Variants in PPP2R2C observed in about 807,000 individuals in gnomAD.
PPP2R2C encodes the protein protein phosphatase 2 regulatory subunit Bgamma.
A neutral mutation model predicts 45.3 loss-of-function variants in PPP2R2C; 10 were observed. That is an observed-to-expected ratio of 0.22 (90% CI 0.14 to 0.37). The LOEUF (loss-of-function observed/expected upper bound fraction) is 0.37, where lower values mean the gene tolerates loss of function less well. PPP2R2C is among the 10% of genes least tolerant of loss of function. PPP2R2C has a pLI of 1.00. For synonymous variants in PPP2R2C, 257 were observed against 245.4 expected (o/e 1.05, Z -0.44); for missense variants, 308 against 619.7 (o/e 0.50, Z 5.34).
At chr4:6,414,797 C>A (rs1718459655) in intron 1 of PPP2R2C, among the ~76,000 whole-genome samples, 1 of 152,124 alleles carries the variant, frequency 6.6e-6, no homozygotes, top group South Asian at 2.1e-4. Context: ...GGCTGTGCAA[C>A]CTCAGGCCAA....
At chr4:6,350,472 C>A (rs887874829) in intron 5 of PPP2R2C, 1 of 985,344 alleles carries the variant, frequency 1.0e-6, no homozygotes, top group Non-Finnish European at 1.2e-6. Context: ...CACACAAAAG[C>A]CACAGGAGGC....
chr4:6,369,321 C>A (rs1560487444), intron 5 of PPP2R2C, among the ~76,000 whole-genome samples: 1 of 152,224 alleles, frequency 6.6e-6, no homozygotes, highest in Non-Finnish European at 1.5e-5. Context: ...TTCCAACAGA[C>A]AGGGCTGAGC....
intron 1 of PPP2R2C, among the ~76,000 whole-genome samples, chr4:6,549,256 T>C (rs1725099785): frequency 6.6e-6 from 1 of 151,886 alleles, no homozygotes; most frequent in South Asian, 2.1e-4. Flanking sequence ...GACCACGTCG[T>C]TTTTCCACCT....
At chr4:6,411,563 T>C (rs2109369617) in intron 1 of PPP2R2C, among the ~76,000 whole-genome samples, 1 of 151,620 alleles carries the variant, frequency 6.6e-6, no homozygotes, top group East Asian at 1.9e-4. Flanking sequence ...TCTTTTTTTT[T>C]TTTTTTTGAG....
chr4:6,334,409 G>A (rs1732671570), intron 6 of PPP2R2C, among the ~76,000 whole-genome samples: 2 of 152,102 alleles, frequency 1.3e-5, no homozygotes, highest in African/African-American at 4.8e-5. Flanking sequence ...ACGGTTTGCT[G>A]CCCACCTGGA....
At chr4:6,415,371 G>T (rs1026096519) in intron 1 of PPP2R2C, among the ~76,000 whole-genome samples, 1 of 152,184 alleles carries the variant, frequency 6.6e-6, no homozygotes, top group South Asian at 2.1e-4. Flanking sequence ...TTGCTTCACT[G>T]TTTCTGCTTT....
In PPP2R2C at chr4:6,378,123, C is replaced by A. The variant is rs1407998994; in HGVS notation, c.334+284G>T. Among the ~76,000 whole-genome samples, 2 of 152,134 alleles carry A rather than the reference C, an allele frequency of 1.3e-5. No individual in the cohort carries two copies. The highest frequency in any genetic ancestry group is 2.9e-5 in the Non-Finnish European group (2 of 68,040). Reference sequence around the variant, plus strand: ...GCTCTATTCACAGCAGGGGGCAGCCCTGTGTCTGGCCATGGGGAGCTTCTG... The same window carrying A: ...GCTCTATTCACAGCAGGGGGCAGCCATGTGTCTGGCCATGGGGAGCTTCTG... On this transcript the variant is annotated intron_variant, in intron 3 of 8. Transcript: ENST00000382599. This position sits in a 1 kb window ranked among gnomAD's most constrained non-coding sequence, Gnocchi z 5.2.
intron 1 of PPP2R2C, among the ~76,000 whole-genome samples, chr4:6,459,360 T>C (rs1005953426): frequency 6.6e-6 from 1 of 152,168 alleles, no homozygotes; most frequent in African/African-American, 2.4e-5. Context: ...ACATGACCTA[T>C]TTTTTACTTA....
chr4:6,413,267 ACATT>A (rs1046674189), intron 1 of PPP2R2C, among the ~76,000 whole-genome samples: 5 of 147,892 alleles, frequency 3.4e-5, no homozygotes, highest in African/African-American at 1.2e-4. Flanking sequence ...ACTCGCACAC[ACATT>A]GTCATGTACT....
intron 1 of PPP2R2C, among the ~76,000 whole-genome samples, chr4:6,445,460 T>A (rs999299082): frequency 2.6e-5 from 4 of 152,260 alleles, no homozygotes; most frequent in Non-Finnish European, 5.9e-5. Flanking sequence ...AATCAAATAT[T>A]CAAAGAGCAA....
intron 1 of PPP2R2C, among the ~76,000 whole-genome samples, chr4:6,400,127 G>A (rs1717314978): frequency 6.6e-6 from 1 of 152,162 alleles, no homozygotes; most frequent in South Asian, 2.1e-4. Flanking sequence ...TACCTCCAGG[G>A]GACCCCAAGA....
intron 5 of PPP2R2C, among the ~76,000 whole-genome samples, chr4:6,369,929 G>T (rs1055627141): frequency 4.6e-5 from 7 of 152,158 alleles, no homozygotes; most frequent in Middle Eastern, 3.2e-3. Flanking sequence ...AAGGCGTGGG[G>T]AATGAATGGT....
intron 1 of PPP2R2C, among the ~76,000 whole-genome samples, chr4:6,459,324 A>ATGG (rs1721203401): frequency 3.9e-5 from 6 of 152,170 alleles, no homozygotes. Context: ...TCCTCACAAT[A>ATGG]TGGTGGCTGG....
At chr4:6,518,381 C>T (rs950513078) in intron 2 of PPP2R2C, among the ~76,000 whole-genome samples, 8 of 152,058 alleles carry the variant, frequency 5.3e-5, no homozygotes, top group South Asian at 2.1e-4. Flanking sequence ...TTGAAAAGAT[C>T]GATAAAATTA....
At chr4:6,360,462 T>C (rs558872220) in intron 5 of PPP2R2C, among the ~76,000 whole-genome samples, 1 of 152,146 alleles carries the variant, frequency 6.6e-6, no homozygotes, top group East Asian at 1.9e-4. Context: ...ACAGTGAGGC[T>C]CATCCAGATG....
intron 1 of PPP2R2C, among the ~76,000 whole-genome samples, chr4:6,394,981 C>A (rs1441092781): frequency 6.6e-6 from 1 of 152,158 alleles, no homozygotes; most frequent in Non-Finnish European, 1.5e-5. Flanking sequence ...GTTGGCAGAG[C>A]CAGCAGCCCC....
At chr4:6,451,410 T>C (rs908529667) in intron 1 of PPP2R2C, among the ~76,000 whole-genome samples, 1 of 152,204 alleles carries the variant, frequency 6.6e-6, no homozygotes, top group African/African-American at 2.4e-5. Flanking sequence ...ATCCAGTTTC[T>C]TATTGTGACA....
intron 1 of PPP2R2C, among the ~76,000 whole-genome samples, chr4:6,440,279 A>T (rs1472927732): frequency 6.6e-6 from 1 of 152,192 alleles, no homozygotes; most frequent in East Asian, 1.9e-4. Context: ...GCATGAATTC[A>T]TTTTCTATTT....
At chr4:6,506,460 A>T (rs957141018) in intron 2 of PPP2R2C, among the ~76,000 whole-genome samples, 1 of 152,228 alleles carries the variant, frequency 6.6e-6, no homozygotes, top group African/African-American at 2.4e-5. Context: ...TCTTATTCAC[A>T]TGGAAACAGG....
Sources: gnomAD v4.1 joint callset for allele counts (sites outside exome capture counted in the v4.1 genomes callset) on GRCh38, gnomAD v4.1.1 for gene constraint, Gnocchi (gnomAD v3.1) non-coding constraint, MANE v1.5 for transcripts, NCBI Gene and HGNC (gene_info 2026-07-23, HGNC 2026-07-21) for gene names.